FAAP100: variants seen among roughly 807,000 people sequenced by gnomAD.
The protein encoded by FAAP100 is FA core complex associated protein 100, also known as Fanconi anemia core complex-associated protein 100.
A neutral mutation model predicts 65.8 loss-of-function variants in FAAP100; 46 were observed. The observed-to-expected ratio is 0.70, with a 90% CI of 0.55 to 0.89. FAAP100 has a LOEUF of 0.89. Among genes scored for constraint, FAAP100 ranks in the 40% least tolerant of loss-of-function variants. The pLI is 0.00. For missense variants in FAAP100, 1,165 were observed against 1,196.7 expected, an observed-to-expected ratio of 0.97 and a Z score of 0.39; for synonymous variants, 663 against 555.1, an observed-to-expected ratio of 1.19 and a Z score of -2.73.
intron 8 of FAAP100, 44 bp from the exon 9 acceptor site, chr17:81,540,994 G>A: frequency 6.6e-7 from 1 of 1,526,048 alleles, no homozygotes; most frequent in Non-Finnish European, 8.8e-7. Flanking sequence ...ACCTGGCCCT[G>A]GGGATGTCAC....
chr17:81,549,476 T>C (rs2033419131), intron 3 of FAAP100, 114 bp from the exon 4 acceptor site: 2 of 1,323,598 alleles, frequency 1.5e-6, no homozygotes, highest in Non-Finnish European at 2.0e-6. Context: ...CCAAGGCCAG[T>C]GTCCAGTGAG....
At position 81,550,662 on chromosome 17, in the gene FAAP100, G is replaced by A; in HGVS notation, c.832C>T (p.Leu278=). The A allele has an allele frequency of 1.2e-6, 2 of 1,613,068 alleles. No individual in the cohort carries two copies. Among genetic ancestry groups the A allele is most frequent in the East Asian group, 2.2e-5 (1 of 44,880 alleles). Reference sequence around the variant, plus strand: ...CCTATGAAGATGACGGGCTCCTCCAGGTGATGGAGGATCTTGACAAGGGCA... The same window carrying A: ...CCTATGAAGATGACGGGCTCCTCCAAGTGATGGAGGATCTTGACAAGGGCA... ...PNALVKILHH[L]EEPVIFIGAL... is the part of the protein sequence containing the mutation. The change falls in exon 3 of 9, where the codon CTG becomes TTG. Residue 278 remains leucine, a synonymous_variant. Transcript: ENST00000327787.
upstream of FAAP100, chr17:81,552,420 C>T: frequency 5.1e-6 from 6 of 1,177,026 alleles, no homozygotes; most frequent in Non-Finnish European, 5.4e-6. Flanking sequence ...CTGTGCGGCG[C>T]GACCTCCGCC....
chr17:81,541,218 C>A, intron 8 of FAAP100, 91 bp downstream of exon 8: 1 of 1,399,138 alleles, frequency 7.1e-7, no homozygotes, highest in Non-Finnish European at 9.9e-7. Context: ...TGTGAGGACT[C>A]TGCGGACCCC....
At chr17:81,545,346 G>T (rs2033260863) in intron 6 of FAAP100, among the ~76,000 whole-genome samples, 1 of 152,248 alleles carries the variant, frequency 6.6e-6, no homozygotes, top group African/African-American at 2.4e-5. Flanking sequence ...ACAGGGGCTG[G>T]AGACCAGCAG....
At chr17:81,543,794 T>C (rs373707180) in intron 7 of FAAP100, among the ~76,000 whole-genome samples, 3 of 152,254 alleles carry the variant, frequency 2.0e-5, no homozygotes, top group East Asian at 1.9e-4. Context: ...GGGAGCAGCA[T>C]TGGCCTCCTG....
At position 81,546,973 on chromosome 17, in the gene FAAP100, T is replaced by C. The variant is rs2033323607; in HGVS notation, c.2109A>G (p.Pro703=). The stretch of plus-strand genomic sequence containing the variant: ...CCGACACCTTGATGGAAGCCACAGA[T>C]GGGGGCAGGTACTCGGCCCGCAGGG... The part of the protein sequence containing the change: ...PASLRAEYLP[P]SVASIKVSAE... The change falls in exon 5 of 9, where the codon CCA becomes CCG. Residue 703 remains proline (P), a synonymous_variant. Transcript: ENST00000327787. 6.8e-7 allele frequency: 1 copy of C among 1,481,246 alleles called. No individual in the cohort carries two copies. Among genetic ancestry groups the C allele is most frequent in the Middle Eastern group, 1.8e-4 (1 of 5,556 alleles). 91.8% of individuals were successfully genotyped at this position (1,481,246 alleles called of 1,614,324 possible). A position where few individuals can be genotyped will look rare whatever the true frequency, so the allele number is the denominator to read the frequency against.
chr17:81,552,125 C>T, intron 1 of FAAP100, 41 bp downstream of exon 1: 2 of 1,476,688 alleles, frequency 1.4e-6, no homozygotes, highest in Non-Finnish European at 1.8e-6. Context: ...CGAACCGCCG[C>T]CCCCGCCCGG....
intron 8 of FAAP100, 147 bp from the exon 9 acceptor site, chr17:81,541,097 T>C (rs570566875): frequency 4.2e-6 from 5 of 1,202,480 alleles, no homozygotes; most frequent in South Asian, 3.1e-5. Context: ...CCTTAAAACA[T>C]GGGACACGCA....
intron 2 of FAAP100, 30 bp from the exon 3 acceptor site, chr17:81,551,233 C>T (rs1311727742): frequency 6.8e-7 from 1 of 1,479,276 alleles, no homozygotes; most frequent in Non-Finnish European, 9.0e-7. Flanking sequence ...CTGGTCAGGC[C>T]TGGGCAGGGT....
At position 81,547,622 on chromosome 17, in the gene FAAP100, T is replaced by C. The variant is rs765787254; in HGVS notation, c.1460A>G (p.Asn487Ser). ...DQRNKALTSL[N>S]EAMNVSCALL... ...TGCACAGCTCACGTTCATGGCCTCG[T>C]TGAGGCTTGTCAGTGCCTTGTTCCG... The change falls in exon 5 of 9, where the codon AAC (asparagine) becomes AGC (serine). Residue 487 changes from asparagine (N) to serine (S), a missense_variant. Transcript: ENST00000327787. 1.2e-6 allele frequency: 2 copies of C among 1,613,016 alleles called. No individual in the cohort carries two copies. Among genetic ancestry groups the C allele is most frequent in the African/African-American group, 1.3e-5 (1 of 74,944 alleles).
chr17:81,543,726 C>A (rs2033197778), intron 7 of FAAP100, among the ~76,000 whole-genome samples: 1 of 152,168 alleles, frequency 6.6e-6, no homozygotes, highest in Non-Finnish European at 1.5e-5. Context: ...AACCCACTGG[C>A]CTTGTAGCCC....
In FAAP100 at chr17:81,545,782, G is replaced by A. The variant is rs758994368; in HGVS notation, c.2274C>T (p.Ala758=). ...ARALSSIQGV[A]PDGANVHLIV... ...TGAGGTGAACGTTGGCGCCATCAGG[G>A]GCCACTCCCTGGATGGAAGATAGTG... is the stretch of plus-strand genomic sequence containing the variant. Residue 758 remains alanine (A), a synonymous_variant, in exon 6 of 9, where the codon GCC becomes GCT. Coordinates refer to ENST00000327787, the MANE Select transcript of FAAP100 (RefSeq NM_025161.6). 6.2e-6 allele frequency: 10 copies of A among 1,612,250 alleles called. No homozygotes were observed. The highest frequency in any genetic ancestry group is 1.3e-5 in the African/African-American group (1 of 74,912).
chr17:81,550,782 A>G lies in FAAP100; in HGVS notation c.712T>C (p.Ser238Pro), dbSNP rs754160042. ...LFGADATLLQSPVVLCGLPDG... is the reference protein window; with the variant it reads ...LFGADATLLQPPVVLCGLPDG... Reference sequence around the variant, plus strand: ...GGGAGACCACAGAGGACCACAGGTGACTGCAGGAGGGTGGCATCAGCTCCA... The same window carrying G: ...GGGAGACCACAGAGGACCACAGGTGGCTGCAGGAGGGTGGCATCAGCTCCA... Residue 238 changes from serine (S) to proline (P), a missense_variant, in exon 3 of 9, where the codon TCA becomes CCA. By Grantham distance (74) the Ser-to-Pro change is moderately conservative. Coordinates refer to ENST00000327787, the MANE Select transcript of FAAP100 (RefSeq NM_025161.6). 1 of 1,612,730 alleles carries G rather than the reference A, an allele frequency of 6.2e-7. No homozygotes were observed. The highest frequency in any genetic ancestry group is 1.1e-5 in the South Asian group (1 of 91,074).
intron 1 of FAAP100, 48 bp from the exon 2 acceptor site, chr17:81,552,100 G>A (rs1450641478): frequency 6.8e-7 from 1 of 1,461,572 alleles, no homozygotes; most frequent in Middle Eastern, 1.9e-4. Context: ...CGGGCCCGCG[G>A]TCTTCATTTT....
In FAAP100 at chr17:81,552,157, G is replaced by C. The variant is rs764285449; in HGVS notation, c.165+9C>G. On this transcript the variant is annotated intron_variant, in intron 1 of 8. Coordinates refer to ENST00000327787, the MANE Select transcript of FAAP100 (RefSeq NM_025161.6). Reference sequence around the variant, plus strand: ...CCGGTCCCTCCCGCCCCCGCGGGCCGGCGCTCACGGTCAGCAGCCCGCCCT... The same window carrying C: ...CCGGTCCCTCCCGCCCCCGCGGGCCCGCGCTCACGGTCAGCAGCCCGCCCT... 1 of 1,490,128 alleles carries C rather than the reference G, an allele frequency of 6.7e-7. No homozygotes were observed. The highest frequency in any genetic ancestry group is 1.3e-5 in the South Asian group (1 of 79,424). The allele number at this position is 1,490,128 out of a possible 1,614,324, so 92.3% of individuals were successfully genotyped here. A position where few individuals can be genotyped will look rare whatever the true frequency, so the allele number is the denominator to read the frequency against.
chr17:81,550,166 A>G, intron 3 of FAAP100, 82 bp downstream of exon 3: 1 of 1,309,952 alleles, frequency 7.6e-7, no homozygotes. Flanking sequence ...CCAGGAAAGG[A>G]AGGCGGCCTG....
chr17:81,550,233 G>A lies in FAAP100; in HGVS notation c.1246+15C>T. The A allele has an allele frequency of 6.4e-7, 1 of 1,565,626 alleles. No homozygotes were observed. Among genetic ancestry groups the A allele is most frequent in the Non-Finnish European group, 8.7e-7 (1 of 1,152,266 alleles). Reference sequence around the variant, plus strand: ...CCCTGGGCTCCCATCTTTCATTTTAGACAGCAGCTCATACCTTCATGCGTC... The same window carrying A: ...CCCTGGGCTCCCATCTTTCATTTTAAACAGCAGCTCATACCTTCATGCGTC... On this transcript the variant is annotated intron_variant, in intron 3 of 8. Transcript: ENST00000327787.
At chr17:81,548,832 G>A (rs1435705759) in intron 4 of FAAP100, among the ~76,000 whole-genome samples, 1 of 151,906 alleles carries the variant, frequency 6.6e-6, no homozygotes, top group Non-Finnish European at 1.5e-5. Context: ...GAGGTCAGGA[G>A]ATCAAGACCA....
Sources: allele counts gnomAD v4.1 joint callset (sites outside exome capture counted in the v4.1 genomes callset), GRCh38; gene constraint gnomAD v4.1.1; transcripts MANE v1.5; gene names NCBI Gene and HGNC (gene_info 2026-07-23, HGNC 2026-07-21).